The following CEP63 variants were observed in gnomAD, a reference collection of about 807,000 sequenced individuals.
CEP63 encodes centrosomal protein of 63 kDa.
In CEP63, 84 loss-of-function variants were observed where a neutral mutation model predicts 89.1. The ratio of observed to expected loss-of-function variants is 0.94; its 90% CI spans 0.79 to 1.13. The LOEUF (loss-of-function observed/expected upper bound fraction) is 1.13, where lower values mean the gene tolerates loss of function less well. CEP63 is among the 50% of genes most tolerant of loss of function. The probability of loss-of-function intolerance (pLI) is 0.00; values close to 1 mark genes in which losing one functional copy is unlikely to be tolerated. For synonymous variants in CEP63, 267 were observed against 272.5 expected (o/e 0.98, Z 0.20); for missense variants, 838 against 813.3 (o/e 1.03, Z -0.37).
rs1298007553 is a variant in CEP63, at chr3:134,564,401, C to T, written c.*2866C>T. ...CTGGCTTGGCAAAGCTTTCCCATAT[C>T]CCCTGACCCATGTCAGGGAACGTTT... On this transcript the variant is annotated 3_prime_UTR_variant, in exon 15 of 15. Transcript: ENST00000675561. The T allele has an allele frequency of 1.0e-6, 1 of 985,348 alleles. No individual in the cohort carries two copies. The highest frequency in any genetic ancestry group is 1.2e-6 in the Non-Finnish European group (1 of 829,984). 61.0% of individuals were successfully genotyped at this position (985,348 alleles called of 1,614,324 possible). A position where few individuals can be genotyped will look rare whatever the true frequency, so the allele number is the denominator to read the frequency against.
the CEP63 span, among the ~76,000 whole-genome samples, chr3:134,724,345 G>A: frequency 6.6e-6 from 1 of 152,216 alleles, no homozygotes; most frequent in African/African-American, 2.4e-5. Flanking sequence ...TGCTAAGGGG[G>A]TTTGAGTTGG....
At chr3:134,503,074 G>C (rs1344412828) in intron 2 of CEP63, among the ~76,000 whole-genome samples, 1 of 144,966 alleles carries the variant, frequency 6.9e-6, no homozygotes, top group Non-Finnish European at 1.5e-5. Context: ...ACTGTGGTCT[G>C]AGAAGATACT....
At chr3:134,632,932 C>T in the CEP63 span, among the ~76,000 whole-genome samples, 15 of 151,916 alleles carry the variant, frequency 9.9e-5, no homozygotes, top group Admixed American at 5.2e-4. Context: ...TGAGGGCTAT[C>T]GCTACAGACC....
the CEP63 span, among the ~76,000 whole-genome samples, chr3:134,682,768 C>A: frequency 1.3e-5 from 2 of 152,130 alleles, no homozygotes; most frequent in Non-Finnish European, 2.9e-5. Context: ...GTGCTCACAC[C>A]ACTACTCAGA....
downstream of CEP63, among the ~76,000 whole-genome samples, chr3:134,576,894 G>A (rs1420373784): frequency 1.3e-5 from 2 of 152,162 alleles, no homozygotes; most frequent in African/African-American, 4.8e-5. Flanking sequence ...CTCAGGAAAA[G>A]CTGGCTGCTC....
intron 10 of CEP63, among the ~76,000 whole-genome samples, chr3:134,582,177 A>T (rs1423474156): frequency 1.3e-5 from 2 of 149,522 alleles, no homozygotes; most frequent in African/African-American, 4.9e-5. Context: ...ACTACAGTGG[A>T]TGGGTTTTTT....
the CEP63 span, among the ~76,000 whole-genome samples, chr3:134,774,790 T>C: frequency 1.3e-5 from 2 of 152,142 alleles, no homozygotes; most frequent in Admixed American, 6.5e-5. Context: ...GGGGCTAGAA[T>C]TGAGAATTCA....
chr3:134,522,475 A>G (rs1947681435), intron 3 of CEP63, among the ~76,000 whole-genome samples: 2 of 152,252 alleles, frequency 1.3e-5, no homozygotes, highest in South Asian at 4.1e-4. Context: ...TTTAAAATTT[A>G]AATTTTATTT....
intron 1 of CEP63, among the ~76,000 whole-genome samples, chr3:134,494,073 G>A (rs1490797099): frequency 6.7e-6 from 1 of 150,000 alleles, no homozygotes; most frequent in Non-Finnish European, 1.5e-5. Context: ...TCTTCATGGT[G>A]TATCTTACCC....
the CEP63 span, chr3:134,779,665 T>C: frequency 6.6e-6 from 1 of 152,246 alleles, no homozygotes; most frequent in Non-Finnish European, 1.5e-5. Context: ...AGCTTTCTAT[T>C]CTGCTATGTC....
the CEP63 span, chr3:134,643,452 T>G: frequency 7.5e-7 from 1 of 1,340,398 alleles, no homozygotes. Flanking sequence ...GAGCTGTATG[T>G]GTTTGCGGGA....
chr3:134,595,067 C>T, the CEP63 span, among the ~76,000 whole-genome samples: 1 of 152,156 alleles, frequency 6.6e-6, no homozygotes, highest in Non-Finnish European at 1.5e-5. Context: ...TCTGAATAGC[C>T]TCTGATATGG....
chr3:134,751,825 C>G, the CEP63 span, among the ~76,000 whole-genome samples: 5 of 152,118 alleles, frequency 3.3e-5, no homozygotes, highest in Non-Finnish European at 7.4e-5. Context: ...TTCAATAATC[C>G]CAACAACTCT....
At chr3:134,678,947 GT>G in the CEP63 span, among the ~76,000 whole-genome samples, 1 of 152,160 alleles carries the variant, frequency 6.6e-6, no homozygotes. Context: ...ACAAAGAATA[GT>G]TCCCCCAGAG....
chr3:134,575,815 G>A (rs1030482341), downstream of CEP63, among the ~76,000 whole-genome samples: 2 of 152,032 alleles, frequency 1.3e-5, no homozygotes, highest in African/African-American at 4.8e-5. Context: ...GTTTCCCTAT[G>A]TTGCCCAGGC....
the CEP63 span, among the ~76,000 whole-genome samples, chr3:134,718,003 C>A: frequency 6.6e-6 from 1 of 152,262 alleles, no homozygotes; most frequent in Admixed American, 6.5e-5. Flanking sequence ...ACCCAGGTTA[C>A]TTTTTCTTTG....
intron 3 of CEP63, among the ~76,000 whole-genome samples, chr3:134,515,494 A>G (rs1458623989): frequency 6.6e-6 from 1 of 152,226 alleles, no homozygotes; most frequent in Admixed American, 6.5e-5. Context: ...GACTAGAAAG[A>G]TGGTATAACT....
the CEP63 span, among the ~76,000 whole-genome samples, chr3:134,733,780 C>T: frequency 6.6e-6 from 1 of 152,218 alleles, no homozygotes; most frequent in African/African-American, 2.4e-5. Context: ...TTGCCAAGAC[C>T]TTGATCTCAG....
the CEP63 span, among the ~76,000 whole-genome samples, chr3:134,746,809 G>T: frequency 6.6e-6 from 1 of 152,166 alleles, no homozygotes; most frequent in Non-Finnish European, 1.5e-5. Context: ...TAAGTTCTGT[G>T]TAGATTCTGG....
Sources: allele counts gnomAD v4.1 joint callset (sites outside exome capture counted in the v4.1 genomes callset), GRCh38; gene constraint gnomAD v4.1.1; transcripts MANE v1.5; gene names NCBI Gene and HGNC (gene_info 2026-07-23, HGNC 2026-07-21).